TNS3: variants seen among roughly 807,000 people sequenced by gnomAD.
The protein encoded by TNS3 is tensin 3.
A neutral mutation model predicts 140.9 loss-of-function variants in TNS3; 45 were observed. That is an observed-to-expected ratio of 0.32 (90% CI 0.25 to 0.41). TNS3 has a LOEUF of 0.41. Ranked by LOEUF, TNS3 falls within the 10% of genes least tolerant of loss-of-function variation. The pLI, the probability that TNS3 is intolerant of heterozygous loss-of-function variation, is 1.00. For missense variants in TNS3, 1,716 were observed against 1,906.7 expected, an observed-to-expected ratio of 0.90 and a Z score of 1.86; for synonymous variants, 815 against 788.4, an observed-to-expected ratio of 1.03 and a Z score of -0.56.
chr7:47,516,929 G>T (rs1256311572), intron 2 of TNS3, among the ~76,000 whole-genome samples: 1 of 152,138 alleles, frequency 6.6e-6, no homozygotes, highest in African/African-American at 2.4e-5. Flanking sequence ...CAGGCGTGGT[G>T]GTGGGCGCCT....
rs1204562181 is a variant in TNS3 at position 47,439,622 on chromosome 7, A to G, written c.15T>C (p.His5=). Residue 5 remains histidine, a synonymous_variant, in exon 6 of 31, where the codon CAT becomes CAC. Coordinates refer to ENST00000311160, the MANE Select transcript of TNS3 (RefSeq NM_022748.12). ...CCGTGATGTAAGTGAGGTCCAGCCC[A>G]TGGCCCTCCTCCATGGTGGGACTCA... MEEG[H]GLDLTYITER... is the part of the protein sequence containing the mutation. The G allele has an allele frequency of 1.9e-6, 3 of 1,613,974 alleles. No homozygotes were observed. Among genetic ancestry groups the G allele is most frequent in the African/African-American group, 1.3e-5 (1 of 74,936 alleles).
intron 2 of TNS3, among the ~76,000 whole-genome samples, chr7:47,512,139 G>A (rs1584794654): frequency 6.6e-6 from 1 of 152,264 alleles, no homozygotes; most frequent in Admixed American, 6.5e-5. Flanking sequence ...TAGATGGGCA[G>A]AGCCCACCTC....
chr7:47,576,686 G>A (rs1800683507), intron 1 of TNS3, among the ~76,000 whole-genome samples: 1 of 152,212 alleles, frequency 6.6e-6, no homozygotes, highest in Non-Finnish European at 1.5e-5. Flanking sequence ...GGCCCAGTGT[G>A]CCCCAGGGCC....
chr7:47,394,924 A>G (rs1280432781), intron 16 of TNS3, among the ~76,000 whole-genome samples: 1 of 152,216 alleles, frequency 6.6e-6, no homozygotes. Context: ...AGAGCGGGGC[A>G]CCCAATGAGG....
chr7:47,353,339 G>A (rs183091454), intron 17 of TNS3, among the ~76,000 whole-genome samples: 1 of 152,332 alleles, frequency 6.6e-6, no homozygotes, highest in African/African-American at 2.4e-5. Flanking sequence ...CACAGGTTAG[G>A]AGCCCTGGCG....
chr7:47,480,787 C>T (rs1350239456), intron 4 of TNS3, among the ~76,000 whole-genome samples: 4 of 152,340 alleles, frequency 2.6e-5, no homozygotes, highest in South Asian at 2.1e-4. Flanking sequence ...ACTAAGACAA[C>T]AGACTTGTGC....
At chr7:47,371,007 G>A (rs1584503975) in intron 16 of TNS3, among the ~76,000 whole-genome samples, 1 of 152,192 alleles carries the variant, frequency 6.6e-6, no homozygotes, top group Non-Finnish European at 1.5e-5. Context: ...ACGCGCCCAC[G>A]CCAGGCTTTC....
At chr7:47,351,676 C>G (rs901404328) in intron 17 of TNS3, among the ~76,000 whole-genome samples, 7 of 152,128 alleles carry the variant, frequency 4.6e-5, no homozygotes, top group African/African-American at 1.7e-4. Context: ...ACGTCTAGGG[C>G]AGAGATGGCA....
At chr7:47,354,194 A>G (rs1322018873) in intron 17 of TNS3, among the ~76,000 whole-genome samples, 1 of 152,188 alleles carries the variant, frequency 6.6e-6, no homozygotes, top group African/African-American at 2.4e-5. Context: ...TAAGAAGTCA[A>G]ATCCAGGAAA....
chr7:47,367,288 A>G (rs923089240), intron 17 of TNS3, among the ~76,000 whole-genome samples: 4 of 152,236 alleles, frequency 2.6e-5, no homozygotes, highest in African/African-American at 9.6e-5. Context: ...CTCCGTCCCA[A>G]TGCCCCTCTC....
At chr7:47,295,459 G>A (rs1204372333) in intron 24 of TNS3, among the ~76,000 whole-genome samples, 1 of 152,084 alleles carries the variant, frequency 6.6e-6, no homozygotes, top group Non-Finnish European at 1.5e-5. Flanking sequence ...TTCAGTTTCA[G>A]TCCTCAACAA....
At chr7:47,548,116 C>A (rs1260704275) in intron 1 of TNS3, among the ~76,000 whole-genome samples, 1 of 152,130 alleles carries the variant, frequency 6.6e-6, no homozygotes, top group Non-Finnish European at 1.5e-5. Flanking sequence ...GTCAGGCTGG[C>A]CTCGAACTCC....
intron 3 of TNS3, among the ~76,000 whole-genome samples, chr7:47,495,793 G>GCA (rs1436299617): frequency 6.6e-6 from 1 of 152,230 alleles, no homozygotes; most frequent in African/African-American, 2.4e-5. Context: ...TTAAAAAGAT[G>GCA]CACTGCATAT....
At chr7:47,330,965 G>A (rs1035381411) in intron 20 of TNS3, among the ~76,000 whole-genome samples, 16 of 152,136 alleles carry the variant, frequency 1.1e-4, no homozygotes, top group African/African-American at 3.4e-4. Flanking sequence ...ACCGGACTCG[G>A]GCGAACCTTA....
At chr7:47,367,116 G>T (rs1790751002) in intron 17 of TNS3, among the ~76,000 whole-genome samples, 1 of 152,124 alleles carries the variant, frequency 6.6e-6, no homozygotes, top group Non-Finnish European at 1.5e-5. Flanking sequence ...GCACTGCCAG[G>T]GCTCCCAGAA....
chr7:47,399,379 A>AAAAAC (rs1240609571), intron 15 of TNS3, among the ~76,000 whole-genome samples: 1 of 152,208 alleles, frequency 6.6e-6, no homozygotes, highest in Non-Finnish European at 1.5e-5. Flanking sequence ...AAGCAATCCT[A>AAAAAC]AAAACAAAAC....
intron 1 of TNS3, among the ~76,000 whole-genome samples, chr7:47,570,423 A>G (rs1800525871): frequency 6.6e-6 from 1 of 152,216 alleles, no homozygotes; most frequent in Non-Finnish European, 1.5e-5. Context: ...CAATAACACA[A>G]CAACTTGCAA....
chr7:47,374,058 T>C (rs992866118), intron 16 of TNS3, among the ~76,000 whole-genome samples: 1 of 152,216 alleles, frequency 6.6e-6, no homozygotes, highest in African/African-American at 2.4e-5. Flanking sequence ...ACTACTGACC[T>C]GGCTGGTCTC....
chr7:47,388,923 G>GAGAGGC (rs1415025398), intron 16 of TNS3, among the ~76,000 whole-genome samples: 1 of 150,376 alleles, frequency 6.6e-6, no homozygotes, highest in Non-Finnish European at 1.5e-5. Context: ...GAGGGAGAGG[G>GAGAGGC]AGGAGAAGAG....
Sources: gnomAD v4.1 joint callset for allele counts (sites outside exome capture counted in the v4.1 genomes callset) on GRCh38, gnomAD v4.1.1 for gene constraint, MANE v1.5 for transcripts, NCBI Gene and HGNC (gene_info 2026-07-23, HGNC 2026-07-21) for gene names.